Variants in LRP1B observed in about 807,000 individuals in gnomAD.
The protein encoded by LRP1B is LDL receptor related protein 1B, also known as low-density lipoprotein receptor-related protein 1B.
A neutral mutation model predicts 556.6 loss-of-function variants in LRP1B; 217 were observed. The observed-to-expected ratio is 0.39, with a 90% CI of 0.35 to 0.44. LRP1B has a LOEUF of 0.44. Ranked by LOEUF, LRP1B falls within the 20% of genes least tolerant of loss-of-function variation. The pLI is 1.00. For missense variants in LRP1B, 5,053 were observed against 5,620.8 expected (o/e 0.90, Z 3.23); for synonymous variants, 2,047 against 1,865.8 (o/e 1.10, Z -2.50).
In LRP1B at chr2:140,526,093, G is replaced by A. The variant is rs1690420460; in HGVS notation, c.7877-100C>T. 5 of 1,382,242 alleles carry A rather than the reference G, an allele frequency of 3.6e-6. No homozygotes were observed. The East Asian group carries it at 7.1e-5, about 20-fold the overall frequency. 85.6% of individuals were successfully genotyped at this position (1,382,242 alleles called of 1,614,324 possible). On this transcript the variant is annotated intron_variant, in intron 48 of 90. Coordinates refer to ENST00000389484, the MANE Select transcript of LRP1B (RefSeq NM_018557.3). ...GATGAGAAAAGTTAACTTCATTTGA[G>A]GAAATAGATACGTAATTATCCCACA...
Position 141,886,824 on chromosome 2 carries a change from C to T in LRP1B, c.83-76423G>A, listed in dbSNP as rs79144147. Among the ~76,000 whole-genome samples the T allele has an allele frequency of 8.7e-3, 1,320 of 152,132 alleles. 12 individuals are homozygous for T. Among genetic ancestry groups the T allele is most frequent in the African/African-American group, 0.021 (881 of 41,506 alleles). The stretch of plus-strand genomic sequence containing the variant: ...GCCTTCATCCTTAAATTGTTCAACT[C>T]GATAGTGCTAATATTGGTAGATAAT... On this transcript the variant is annotated intron_variant, in intron 1 of 90. Transcript: ENST00000389484.
At chr2:142,074,960 A>T (rs1216606692) in intron 1 of LRP1B, among the ~76,000 whole-genome samples, 2 of 152,088 alleles carry the variant, frequency 1.3e-5, no homozygotes, top group Non-Finnish European at 2.9e-5. Context: ...GTCGGTGTCC[A>T]TTCCACAAAA....
At chr2:142,096,473 G>A (rs1372629740) in intron 1 of LRP1B, among the ~76,000 whole-genome samples, 1 of 149,862 alleles carries the variant, frequency 6.7e-6, no homozygotes, top group Non-Finnish European at 1.5e-5. Context: ...TTCTTCCAAT[G>A]TGATATTAAT....
chr2:141,062,312 G>A (rs770774770), intron 7 of LRP1B, 39 bp from the exon 8 acceptor site: 4 of 1,432,872 alleles, frequency 2.8e-6, no homozygotes, highest in Middle Eastern at 1.8e-4. Context: ...GGAGGGTGGG[G>A]GAGGGAAGCA....
intron 7 of LRP1B, among the ~76,000 whole-genome samples, chr2:141,102,353 G>T (rs1030388854): frequency 3.9e-5 from 6 of 152,090 alleles, no homozygotes; most frequent in African/African-American, 1.4e-4. Flanking sequence ...CATACTATGA[G>T]CCTAATCCTG....
chr2:141,763,478 A>T (rs1694630238), intron 2 of LRP1B, among the ~76,000 whole-genome samples: 1 of 152,182 alleles, frequency 6.6e-6, no homozygotes, highest in South Asian at 2.1e-4. Context: ...TCAAAGAAGA[A>T]ACAAAACAAA....
At chr2:141,558,038 A>C (rs1261839352) in intron 2 of LRP1B, among the ~76,000 whole-genome samples, 1 of 151,912 alleles carries the variant, frequency 6.6e-6, no homozygotes, top group African/African-American at 2.4e-5. Context: ...GAGGCTTTGC[A>C]GGTCTGCAAT....
At chr2:141,053,738 A>G (rs1699101606) in intron 10 of LRP1B, among the ~76,000 whole-genome samples, 1 of 151,984 alleles carries the variant, frequency 6.6e-6, no homozygotes, top group Non-Finnish European at 1.5e-5. Flanking sequence ...GATGTACTAC[A>G]TTAGGGACAA....
intron 1 of LRP1B, among the ~76,000 whole-genome samples, chr2:141,983,550 T>A (rs1363335429): frequency 6.6e-6 from 1 of 152,194 alleles, no homozygotes; most frequent in Non-Finnish European, 1.5e-5. Flanking sequence ...CTTAGTGGCA[T>A]AAAGTAGAAG....
At chr2:142,015,158 AT>A (rs1198778815) in intron 1 of LRP1B, among the ~76,000 whole-genome samples, 3 of 152,192 alleles carry the variant, frequency 2.0e-5, no homozygotes, top group Non-Finnish European at 2.9e-5. Flanking sequence ...TTCCAAAGAT[AT>A]ACGAACTCAA....
At chr2:140,887,140 C>A (rs2105194494) in intron 23 of LRP1B, among the ~76,000 whole-genome samples, 1 of 152,212 alleles carries the variant, frequency 6.6e-6, no homozygotes, top group South Asian at 2.1e-4. Context: ...ATTGTTTTTG[C>A]TGTATGACAT....
intron 7 of LRP1B, among the ~76,000 whole-genome samples, chr2:141,129,574 G>C (rs1701298257): frequency 6.6e-6 from 1 of 151,416 alleles, no homozygotes; most frequent in South Asian, 2.1e-4. Context: ...AGTGTGTGTG[G>C]GGGGAGGGGC....
chr2:140,277,151 G>A (rs1479205867), intron 84 of LRP1B, among the ~76,000 whole-genome samples: 1 of 151,748 alleles, frequency 6.6e-6, no homozygotes, highest in African/African-American at 2.4e-5. Flanking sequence ...TAATATTCTG[G>A]AGGTTGATGA....
intron 1 of LRP1B, among the ~76,000 whole-genome samples, chr2:142,082,889 T>C (rs562013169): frequency 1.3e-5 from 2 of 152,192 alleles, no homozygotes; most frequent in Non-Finnish European, 2.9e-5. Context: ...GATGGGCTTT[T>C]TTTTGTGGCC....
chr2:141,234,629 G>A (rs557901428), intron 5 of LRP1B, among the ~76,000 whole-genome samples: 10 of 151,932 alleles, frequency 6.6e-5, no homozygotes, highest in African/African-American at 9.7e-5. Flanking sequence ...TGCCCGCCTC[G>A]GCCTCCTCAA....
In LRP1B at chr2:141,049,132, T is replaced by C. The variant is rs758837849; in HGVS notation, c.1643A>G (p.Tyr548Cys). 42 of 1,613,506 alleles carry C rather than the reference T, an allele frequency of 2.6e-5. No individual in the cohort carries two copies. The East Asian group carries it at 9.1e-4, about 35-fold the overall frequency. Reference protein sequence around the residue: ...MDLNTKIADEYMIPIENLVNP... With the variant: ...MDLNTKIADECMIPIENLVNP... Reference sequence around the variant, plus strand: ...TACCAGATTTTCTATGGGGATCATGTATTCATCAGCTATCTTGGTATTCAA... The same window carrying C: ...TACCAGATTTTCTATGGGGATCATGCATTCATCAGCTATCTTGGTATTCAA... The change falls in exon 11 of 91, where the codon TAC becomes TGC. Residue 548 changes from tyrosine to cysteine, a missense_variant. Coordinates refer to ENST00000389484, the MANE Select transcript of LRP1B (RefSeq NM_018557.3).
At chr2:141,019,822 G>A in intron 12 of LRP1B, 100 bp downstream of exon 12, 8 of 857,430 alleles carry the variant, frequency 9.3e-6, no homozygotes, top group Non-Finnish European at 1.4e-5. Flanking sequence ...TGGAAAATCA[G>A]CTATACATAT....
intron 2 of LRP1B, among the ~76,000 whole-genome samples, chr2:141,647,146 G>A (rs1301829448): frequency 6.6e-6 from 1 of 152,118 alleles, no homozygotes; most frequent in Non-Finnish European, 1.5e-5. Flanking sequence ...TTGTATCCTT[G>A]TCAAAGTAAT....
chr2:142,121,857 A>G, intron 1 of LRP1B, among the ~76,000 whole-genome samples: 1 of 151,734 alleles, frequency 6.6e-6, no homozygotes, highest in South Asian at 2.1e-4. Context: ...ATGAGTGATC[A>G]CCAACTATAT....
Sources: gnomAD v4.1 joint callset for allele counts (sites outside exome capture counted in the v4.1 genomes callset) on GRCh38, gnomAD v4.1.1 for gene constraint, MANE v1.5 for transcripts, NCBI Gene and HGNC (gene_info 2026-07-23, HGNC 2026-07-21) for gene names.